The following WDPCP variants were observed in gnomAD, a reference collection of about 807,000 sequenced individuals.
The protein encoded by WDPCP is WD repeat-containing and planar cell polarity effector protein fritz homolog.
In WDPCP, 71 loss-of-function variants were observed where a neutral mutation model predicts 93.1. The observed-to-expected ratio is 0.76, with a 90% CI of 0.63 to 0.93. WDPCP has a LOEUF of 0.93. Among genes scored for constraint, WDPCP ranks in the 40% least tolerant of loss-of-function variants. The pLI is 0.00. For synonymous variants in WDPCP, 315 were observed against 315.0 expected (o/e 1.00, Z 0.00); for missense variants, 844 against 887.4 (o/e 0.95, Z 0.62).
chr2:63,768,795 G>A (rs1028411616), intron 2 of WDPCP, among the ~76,000 whole-genome samples: 1 of 151,964 alleles, frequency 6.6e-6, no homozygotes, highest in Admixed American at 6.6e-5. Flanking sequence ...ATACAGGAGA[G>A]GAATTAGACT....
At chr2:63,311,324 C>G (rs1686173992) in intron 13 of WDPCP, among the ~76,000 whole-genome samples, 1 of 152,062 alleles carries the variant, frequency 6.6e-6, no homozygotes, top group Non-Finnish European at 1.5e-5. Flanking sequence ...CTATAGACCT[C>G]TGGCTAGATG....
chr2:63,840,527 C>T, the WDPCP span, among the ~76,000 whole-genome samples: 3 of 152,174 alleles, frequency 2.0e-5, no homozygotes, highest in African/African-American at 7.2e-5. Context: ...GTTAGCTGGC[C>T]CACACAGGCC....
intron 12 of WDPCP, among the ~76,000 whole-genome samples, chr2:63,367,051 A>AAT (rs1158563784): frequency 6.6e-6 from 1 of 151,224 alleles, no homozygotes. Context: ...TATTTATATG[A>AAT]ATATATATAT....
chr2:63,297,994 T>C (rs537287660), intron 13 of WDPCP, among the ~76,000 whole-genome samples: 12 of 152,246 alleles, frequency 7.9e-5, no homozygotes, highest in African/African-American at 2.9e-4. Context: ...TGTTGCCACT[T>C]GGGGAGAAAA....
chr2:63,251,838 G>C (rs558376788), intron 14 of WDPCP, among the ~76,000 whole-genome samples: 1 of 151,760 alleles, frequency 6.6e-6, no homozygotes, highest in South Asian at 2.1e-4. Context: ...TGGATTTGCA[G>C]CTGAATTATA....
chr2:63,484,491 C>A (rs1289323323), intron 6 of WDPCP, 113 bp downstream of exon 6: 2 of 1,145,822 alleles, frequency 1.7e-6, no homozygotes, highest in African/African-American at 1.5e-5. Flanking sequence ...TATGAAATAA[C>A]CACTGCTAAA....
chr2:63,544,058 G>A (rs1704956304), intron 1 of WDPCP, among the ~76,000 whole-genome samples: 1 of 152,044 alleles, frequency 6.6e-6, no homozygotes, highest in African/African-American at 2.4e-5. Flanking sequence ...TTAAATCCCA[G>A]ACCAAGTAAT....
chr2:63,257,436 C>T (rs962197285), intron 14 of WDPCP, among the ~76,000 whole-genome samples: 3 of 152,058 alleles, frequency 2.0e-5, no homozygotes, highest in African/African-American at 4.8e-5. Context: ...TAATTCCATT[C>T]GGAATTATGA....
intron 2 of WDPCP, among the ~76,000 whole-genome samples, chr2:63,686,579 A>G (rs1322655668): frequency 6.6e-6 from 1 of 152,134 alleles, no homozygotes; most frequent in Non-Finnish European, 1.5e-5. Flanking sequence ...GAGAAATAGA[A>G]AAAAAATCCT....
chr2:63,459,959 A>G (rs186621721), intron 6 of WDPCP, among the ~76,000 whole-genome samples: 6 of 152,158 alleles, frequency 3.9e-5, no homozygotes, highest in Admixed American at 2.0e-4. Flanking sequence ...CTACCATACA[A>G]TCCAGAAATC....
chr2:63,792,357 AACTC>A (rs1670557267), intron 2 of WDPCP, among the ~76,000 whole-genome samples: 1 of 152,250 alleles, frequency 6.6e-6, no homozygotes, highest in Non-Finnish European at 1.5e-5. Context: ...ATCTCATGAG[AACTC>A]ACTCACTATC....
intron 3 of WDPCP, among the ~76,000 whole-genome samples, chr2:63,628,374 T>C (rs1053825642): frequency 1.3e-5 from 2 of 152,172 alleles, no homozygotes; most frequent in African/African-American, 4.8e-5. Flanking sequence ...TATCATCTTT[T>C]TTGTATAATA....
At chr2:63,692,445 G>A (rs1668902486) in intron 2 of WDPCP, among the ~76,000 whole-genome samples, 1 of 152,150 alleles carries the variant, frequency 6.6e-6, no homozygotes, top group Admixed American at 6.5e-5. Context: ...AGTTATTACT[G>A]TCAACTTCTA....
chr2:63,467,251 G>A (rs1303628593), intron 6 of WDPCP, among the ~76,000 whole-genome samples: 14 of 149,674 alleles, frequency 9.4e-5, no homozygotes, highest in Non-Finnish European at 3.0e-5. Flanking sequence ...AGGCCAAGGT[G>A]GACAGATCAC....
At chr2:63,527,066 T>A (rs1192003038) in intron 1 of WDPCP, among the ~76,000 whole-genome samples, 1 of 152,110 alleles carries the variant, frequency 6.6e-6, no homozygotes, top group Non-Finnish European at 1.5e-5. Context: ...GAAATAAGGA[T>A]AAAAATTATG....
intron 6 of WDPCP, among the ~76,000 whole-genome samples, chr2:63,444,388 T>C (rs772455141): frequency 6.6e-6 from 1 of 152,094 alleles, no homozygotes; most frequent in Non-Finnish European, 1.5e-5. Context: ...CCAAAAATAC[T>C]CCTGGATATT....
chr2:63,521,820 C>T (rs980407930), intron 1 of WDPCP, among the ~76,000 whole-genome samples: 2 of 152,118 alleles, frequency 1.3e-5, no homozygotes, highest in Non-Finnish European at 2.9e-5. Flanking sequence ...ACCAAAATTA[C>T]AGCAACCACA....
intron 1 of WDPCP, among the ~76,000 whole-genome samples, chr2:63,817,802 A>G (rs1267223281): frequency 6.6e-6 from 1 of 152,250 alleles, no homozygotes; most frequent in African/African-American, 2.4e-5. Flanking sequence ...ATTTATAACT[A>G]TAGAAGCCTC....
chr2:63,261,864 T>A (rs988270143), intron 13 of WDPCP, among the ~76,000 whole-genome samples: 4 of 152,184 alleles, frequency 2.6e-5, no homozygotes, highest in Non-Finnish European at 5.9e-5. Flanking sequence ...ATACTTTTGG[T>A]AAATCTCCCT....
Sources: gnomAD v4.1 joint callset for allele counts (sites outside exome capture counted in the v4.1 genomes callset) on GRCh38, gnomAD v4.1.1 for gene constraint, MANE v1.5 for transcripts, NCBI Gene and HGNC (gene_info 2026-07-23, HGNC 2026-07-21) for gene names.